The following CNTNAP2 variants were observed in gnomAD, a reference collection of about 807,000 sequenced individuals.
CNTNAP2 encodes the protein contactin-associated protein-like 2.
A neutral mutation model predicts 155.2 loss-of-function variants in CNTNAP2; 98 were observed. The ratio of observed to expected loss-of-function variants is 0.63; its 90% CI spans 0.54 to 0.75. The LOEUF is 0.75. CNTNAP2 is among the 30% of genes least tolerant of loss of function. The pLI is 0.00. For missense variants in CNTNAP2, 1,727 were observed against 1,688.1 expected (o/e 1.02, Z -0.40); for synonymous variants, 651 against 631.2 (o/e 1.03, Z -0.47).
chr7:148,136,049 GGAAGGGA>G (rs1804942084), intron 16 of CNTNAP2, among the ~76,000 whole-genome samples: 16 of 61,670 alleles, frequency 2.6e-4, no homozygotes, highest in Non-Finnish European at 3.4e-4. Context: ...GGGAGGGAGG[GGAAGGGA>G]AGGGAGGGGA....
chr7:147,260,287 G>A (rs1804429611), intron 8 of CNTNAP2, among the ~76,000 whole-genome samples: 1 of 152,156 alleles, frequency 6.6e-6, no homozygotes, highest in Non-Finnish European at 1.5e-5. Flanking sequence ...GCATGGTTCA[G>A]GTGGGGCTTT....
chr7:148,089,491 C>T (rs1803797323), intron 15 of CNTNAP2, among the ~76,000 whole-genome samples: 1 of 151,832 alleles, frequency 6.6e-6, no homozygotes, highest in Non-Finnish European at 1.5e-5. Flanking sequence ...AAATCAACAG[C>T]ATTTCTATAT....
chr7:147,532,612 GTTT>G (rs1799462221), intron 11 of CNTNAP2, among the ~76,000 whole-genome samples: 1 of 152,132 alleles, frequency 6.6e-6, no homozygotes, highest in Non-Finnish European at 1.5e-5. Context: ...GTATTAGTCT[GTTT>G]TCATGCTGCT....
At chr7:147,311,502 C>A (rs1419194436) in intron 9 of CNTNAP2, among the ~76,000 whole-genome samples, 1 of 152,098 alleles carries the variant, frequency 6.6e-6, no homozygotes, top group East Asian at 1.9e-4. Context: ...TGAGGGCAGT[C>A]CAGGCAGCGT....
chr7:147,100,270 T>A (rs1156472898), intron 4 of CNTNAP2, among the ~76,000 whole-genome samples: 1 of 152,214 alleles, frequency 6.6e-6, no homozygotes, highest in Admixed American at 6.5e-5. Flanking sequence ...TTTTCCTGTG[T>A]CTGTTTTTTG....
chr7:148,192,997 A>G (rs1795224725), intron 18 of CNTNAP2, among the ~76,000 whole-genome samples: 1 of 152,246 alleles, frequency 6.6e-6, no homozygotes, highest in African/African-American at 2.4e-5. Flanking sequence ...CTCTTTTTAA[A>G]AATTAACTTA....
intron 1 of CNTNAP2, among the ~76,000 whole-genome samples, chr7:146,364,620 G>C (rs1795130082): frequency 6.6e-6 from 1 of 151,976 alleles, no homozygotes; most frequent in Non-Finnish European, 1.5e-5. Flanking sequence ...TAAGTTAAAG[G>C]ACTCCGTATG....
At position 148,405,603 on chromosome 7, in the gene CNTNAP2, A is replaced by ATTTT. The variant is rs535094195; in HGVS notation, c.3716-3758_3716-3755dup. ...AGGCACGTGCCACCATGCACAGCTA[A>ATTTT]TTTTTTTTTTTTTTTTTTTTTTTTT... is the stretch of plus-strand genomic sequence containing the variant. On this transcript the variant is annotated intron_variant, in intron 22 of 23. Transcript: ENST00000361727. Among the ~76,000 whole-genome samples the ATTTT allele has an allele frequency of 5.2e-3, 190 of 36,834 alleles. 28 individuals carry two copies. The highest frequency in any genetic ancestry group is 0.059 in the Middle Eastern group (2 of 34). 24.2% of individuals were successfully genotyped at this position (36,834 alleles called of 152,430 possible).
intron 3 of CNTNAP2, among the ~76,000 whole-genome samples, chr7:146,997,476 A>G (rs1798332919): frequency 6.6e-6 from 1 of 152,032 alleles, no homozygotes. Context: ...GTTTACTAGT[A>G]TTTTGTTAAG....
intron 10 of CNTNAP2, among the ~76,000 whole-genome samples, chr7:147,421,449 CT>C (rs1400007555): frequency 1.9e-4 from 29 of 152,010 alleles, no homozygotes; most frequent in African/African-American, 6.3e-4. Flanking sequence ...AGCATCCATT[CT>C]ATTTTAAAAT....
At chr7:146,312,806 C>T (rs962745971) in intron 1 of CNTNAP2, among the ~76,000 whole-genome samples, 4 of 151,994 alleles carry the variant, frequency 2.6e-5, no homozygotes, top group Admixed American at 6.6e-5. Flanking sequence ...GAGATCATAC[C>T]GTATTTGTCT....
intron 1 of CNTNAP2, among the ~76,000 whole-genome samples, chr7:146,607,643 T>A (rs1054086074): frequency 6.6e-6 from 1 of 151,908 alleles, no homozygotes; most frequent in Non-Finnish European, 1.5e-5. Flanking sequence ...ATCTCGCTAA[T>A]TTTTTAAAAT....
intron 10 of CNTNAP2, among the ~76,000 whole-genome samples, chr7:147,419,853 AT>A (rs1441459050): frequency 6.6e-6 from 1 of 152,192 alleles, no homozygotes; most frequent in African/African-American, 2.4e-5. Context: ...ATAGTTATAG[AT>A]TGTGATCTCT....
At chr7:148,053,155 A>G (rs1444459760) in intron 15 of CNTNAP2, among the ~76,000 whole-genome samples, 3 of 152,330 alleles carry the variant, frequency 2.0e-5, no homozygotes, top group Non-Finnish European at 2.9e-5. Context: ...CTGATAGAAT[A>G]TTATCCCAGT....
chr7:147,603,383 C>T (rs1008881565), intron 12 of CNTNAP2, among the ~76,000 whole-genome samples: 5 of 152,008 alleles, frequency 3.3e-5, no homozygotes, highest in Non-Finnish European at 7.4e-5. Flanking sequence ...TCTCAGGATA[C>T]AAAATCAATG....
chr7:148,029,982 T>C (rs1802443911), intron 15 of CNTNAP2, among the ~76,000 whole-genome samples: 1 of 152,224 alleles, frequency 6.6e-6, no homozygotes, highest in African/African-American at 2.4e-5. Context: ...AATGTCTTCT[T>C]AATATCATAC....
At chr7:147,238,001 A>G (rs1386846512) in intron 8 of CNTNAP2, among the ~76,000 whole-genome samples, 1 of 152,186 alleles carries the variant, frequency 6.6e-6, no homozygotes, top group Non-Finnish European at 1.5e-5. Context: ...TCAATTTTGA[A>G]TTTCAAATTT....
Position 147,977,854 on chromosome 7 carries a change from T to C in CNTNAP2, c.2256-8T>C. 1 of 1,614,098 alleles carries C rather than the reference T, an allele frequency of 6.2e-7. No homozygotes were observed. Among genetic ancestry groups the C allele is most frequent in the Non-Finnish European group, 8.5e-7 (1 of 1,179,988 alleles). ...CTCATTCTTTTTCTGTCTTTCCCTGTGATCCAGGAGGAAGGATGCTGGTTT... is the reference window on the plus strand; with the variant it reads ...CTCATTCTTTTTCTGTCTTTCCCTGCGATCCAGGAGGAAGGATGCTGGTTT... On this transcript the variant is annotated splice_polypyrimidine_tract_variant and splice_region_variant and intron_variant, in intron 14 of 23. Transcript: ENST00000361727.
rs1000098725 is a variant in CNTNAP2 at position 147,685,133 on chromosome 7, G to A, written c.2098+45827G>A. On this transcript the variant is annotated intron_variant, in intron 13 of 23. Transcript: ENST00000361727. ...AAGCTATAAAAGCAAACACAGCAGT[G>A]AGGAAATTTTCCCCTGGGTCTATTT... 2.0e-5 allele frequency among the ~76,000 whole-genome samples: 3 copies of A among 151,926 alleles called. No homozygotes were observed. In the Admixed American group the frequency reaches 2.0e-4, roughly 10 times the overall value.
Sources: gnomAD v4.1 joint callset for allele counts (sites outside exome capture counted in the v4.1 genomes callset) on GRCh38, gnomAD v4.1.1 for gene constraint, MANE v1.5 for transcripts, NCBI Gene and HGNC (gene_info 2026-07-23, HGNC 2026-07-21) for gene names.